The following BRINP1 variants were observed in gnomAD, a reference collection of about 807,000 sequenced individuals.
BRINP1 encodes BMP/retinoic acid-inducible neural-specific protein 1.
Under a neutral mutation model 72.9 loss-of-function variants are expected in BRINP1, and 17 were observed. That is an observed-to-expected ratio of 0.23 (90% CI 0.16 to 0.35). The LOEUF (loss-of-function observed/expected upper bound fraction) is 0.35, where lower values mean the gene tolerates loss of function less well. BRINP1 is among the 10% of genes least tolerant of loss of function. BRINP1 has a pLI of 1.00. For synonymous variants in BRINP1, 418 were observed against 378.5 expected (o/e 1.10, Z -1.21); for missense variants, 850 against 1,001.6 (o/e 0.85, Z 2.04).
chr9:119,340,188 C>T (rs1176229528), intron 1 of BRINP1, among the ~76,000 whole-genome samples: 1 of 151,878 alleles, frequency 6.6e-6, no homozygotes, highest in Non-Finnish European at 1.5e-5. Flanking sequence ...GGTGATATTA[C>T]AAAGTTAAAT....
chr9:119,271,324 CAAA>C (rs11455242), intron 2 of BRINP1, among the ~76,000 whole-genome samples: 1 of 142,672 alleles, frequency 7.0e-6, no homozygotes. Context: ...CCAGAAGGAC[CAAA>C]AAAAAAAAAA....
At chr9:119,233,941 T>C (rs1441980079) in intron 5 of BRINP1, among the ~76,000 whole-genome samples, 1 of 152,242 alleles carries the variant, frequency 6.6e-6, no homozygotes, top group Non-Finnish European at 1.5e-5. Flanking sequence ...GCTGTGTTTG[T>C]AAGATTCTTC....
At chr9:119,243,925 C>G (rs1005558078) in intron 3 of BRINP1, among the ~76,000 whole-genome samples, 1 of 152,162 alleles carries the variant, frequency 6.6e-6, no homozygotes, top group South Asian at 2.1e-4. Flanking sequence ...GAGTGGGCAC[C>G]TGCATCCTGT....
At chr9:119,312,868 A>G (rs1354040737) in intron 2 of BRINP1, among the ~76,000 whole-genome samples, 1 of 152,244 alleles carries the variant, frequency 6.6e-6, no homozygotes, top group Admixed American at 6.5e-5. Context: ...GGCTATTAGA[A>G]TGTTTAAATG....
At chr9:119,366,206 T>C (rs150579091) in intron 1 of BRINP1, among the ~76,000 whole-genome samples, 95 of 152,266 alleles carry the variant, frequency 6.2e-4, no homozygotes, top group Admixed American at 1.4e-3. Flanking sequence ...TATGCATGTG[T>C]GCTTGCATAT....
rs535574141 is a variant in BRINP1 at position 119,292,463 on chromosome 9, A to G, written c.218+20675T>C. The stretch of plus-strand genomic sequence containing the variant: ...CAGCTAGGACATTATGTTACTATTC[A>G]TATTTATATTAAATAGTAGAGTGGT... On this transcript the variant is annotated intron_variant, in intron 2 of 7. Coordinates refer to ENST00000265922, the MANE Select transcript of BRINP1 (RefSeq NM_014618.3). Among the ~76,000 whole-genome samples the G allele has an allele frequency of 3.3e-5, 5 of 152,338 alleles. No individual in the cohort carries two copies. In the South Asian group the frequency reaches 6.2e-4, roughly 19 times the overall value.
chr9:119,214,629 A>C, intron 5 of BRINP1, among the ~76,000 whole-genome samples: 1 of 151,836 alleles, frequency 6.6e-6, no homozygotes, highest in East Asian at 1.9e-4. Context: ...TGGGGAGTTT[A>C]CAATATAATC....
intron 3 of BRINP1, among the ~76,000 whole-genome samples, chr9:119,246,669 A>G (rs1830320751): frequency 6.6e-6 from 1 of 152,236 alleles, no homozygotes; most frequent in Admixed American, 6.5e-5. Flanking sequence ...AAGCCAGGTG[A>G]TCAAACTCTA....
chr9:119,242,304 T>A, intron 3 of BRINP1, 88 bp from the exon 4 acceptor site: 2 of 1,077,364 alleles, frequency 1.9e-6, no homozygotes, highest in Non-Finnish European at 2.7e-6. Context: ...AAAACAGCCT[T>A]AAATCTCCAA....
chr9:119,257,915 T>G (rs1227141817), intron 2 of BRINP1, among the ~76,000 whole-genome samples: 1 of 151,914 alleles, frequency 6.6e-6, no homozygotes, highest in African/African-American at 2.4e-5. Context: ...GCAAGGCAGC[T>G]GAGAAACAGC....
intron 7 of BRINP1, among the ~76,000 whole-genome samples, chr9:119,205,231 A>G (rs1829841167): frequency 6.6e-6 from 1 of 152,188 alleles, no homozygotes; most frequent in Non-Finnish European, 1.5e-5. Flanking sequence ...CAGAGGAATT[A>G]GCCACAGAGC....
chr9:119,285,586 C>G lies in BRINP1; in HGVS notation c.218+27552G>C, dbSNP rs192911899. The stretch of plus-strand genomic sequence containing the variant: ...AGAGCCCCTCAACATAACCCTTAAT[C>G]TAATTATTTATCTAATTGTCAAAGT... On this transcript the variant is annotated intron_variant, in intron 2 of 7. Transcript: ENST00000265922. 1.2e-3 allele frequency among the ~76,000 whole-genome samples: 183 copies of G among 152,264 alleles called. 1 individual carries two copies. Among genetic ancestry groups the G allele is most frequent in the South Asian group, 3.5e-3 (17 of 4,814 alleles).
intron 1 of BRINP1, among the ~76,000 whole-genome samples, chr9:119,367,221 G>GTGTGATATATATATAT (rs1564259756): frequency 1.6e-4 from 16 of 99,890 alleles, no homozygotes; most frequent in Non-Finnish European, 2.8e-4. Context: ...GTGTGTGATT[G>GTGTGATATATATATAT]ATATATATAT....
chr9:119,338,867 A>G (rs1449801365), intron 1 of BRINP1, among the ~76,000 whole-genome samples: 1 of 151,574 alleles, frequency 6.6e-6, no homozygotes, highest in Non-Finnish European at 1.5e-5. Context: ...CCCTGGCGAC[A>G]CAGGGAGACT....
At position 119,337,790 on chromosome 9, in the gene BRINP1, G is replaced by A. The variant is rs116936501; in HGVS notation, c.-50-24385C>T. ...TCCACCTAAGCTCTGCCTCTTCTAG[G>A]AAGTTTTTCCTGATGACATCAGCCC... On this transcript the variant is annotated intron_variant, in intron 1 of 7. Coordinates refer to ENST00000265922, the MANE Select transcript of BRINP1 (RefSeq NM_014618.3). Among the ~76,000 whole-genome samples the A allele has an allele frequency of 4.3e-4, 66 of 152,352 alleles. No homozygotes were observed. The East Asian group carries it at 0.011, about 26-fold the overall frequency.
At chr9:119,286,639 GTAGCTGTGTAGACA>G (rs1301831572) in intron 2 of BRINP1, among the ~76,000 whole-genome samples, 2 of 152,346 alleles carry the variant, frequency 1.3e-5, no homozygotes, top group East Asian at 3.9e-4. Flanking sequence ...AAATTTTGAT[GTAGCTGTGTAGACA>G]TAGCTGTGTA....
At chr9:119,366,616 C>T (rs1831695516) in intron 1 of BRINP1, among the ~76,000 whole-genome samples, 1 of 148,368 alleles carries the variant, frequency 6.7e-6, no homozygotes, top group South Asian at 2.1e-4. Flanking sequence ...GCCATGTTTC[C>T]AGATAGAAAA....
At position 119,319,445 on chromosome 9, in the gene BRINP1, T is replaced by C. The variant is rs1217228046; in HGVS notation, c.-50-6040A>G. Among the ~76,000 whole-genome samples, 4 of 152,186 alleles carry C rather than the reference T, an allele frequency of 2.6e-5. No individual in the cohort carries two copies. In the East Asian group the frequency reaches 5.8e-4, roughly 22 times the overall value. ...TCTATAGAGTCCTTGACTTTATTAA[T>C]GGAAATGGATATTTTGTTGGGCTGG... On this transcript the variant is annotated intron_variant, in intron 1 of 7. Transcript: ENST00000265922.
chr9:119,344,440 C>T (rs762424186), intron 1 of BRINP1, among the ~76,000 whole-genome samples: 10 of 152,196 alleles, frequency 6.6e-5, no homozygotes, highest in Non-Finnish European at 1.2e-4. Flanking sequence ...TACTGTCTTG[C>T]TCACTTTTAT....
Sources: gnomAD v4.1 joint callset for allele counts (sites outside exome capture counted in the v4.1 genomes callset) on GRCh38, gnomAD v4.1.1 for gene constraint, MANE v1.5 for transcripts, NCBI Gene and HGNC (gene_info 2026-07-23, HGNC 2026-07-21) for gene names.